The following NREP variants were observed in gnomAD, a reference collection of about 807,000 sequenced individuals.
The protein encoded by NREP is neuronal regeneration-related protein.
NREP carries 5 observed loss-of-function variants against 8.6 expected under a neutral mutation model. The observed-to-expected ratio is 0.58, with a 90% CI of 0.30 to 1.22. NREP has a LOEUF of 1.22. Ranked by LOEUF, NREP falls within the 50% of genes most tolerant of loss-of-function variation. The pLI, the probability that NREP is intolerant of heterozygous loss-of-function variation, is 0.07. For missense variants in NREP, 86 were observed against 82.5 expected (o/e 1.04, Z -0.17); for synonymous variants, 27 against 28.0 (o/e 0.96, Z 0.11).
chr5:111,753,624 C>A (rs1392500270), intron 2 of NREP, among the ~76,000 whole-genome samples: 5 of 151,736 alleles, frequency 3.3e-5, no homozygotes. Flanking sequence ...GAAATTAGAT[C>A]CTCTTTAGCG....
chr5:111,921,912 T>C lies in NREP; in HGVS notation c.135+53362A>G, dbSNP rs1045323771. ...GGTTTCCACTTTTGCTTCTTCCTCATTTTTCTCTTGCTGCCATGAGGTAAG... is the reference window on the plus strand; with the variant it reads ...GGTTTCCACTTTTGCTTCTTCCTCACTTTTCTCTTGCTGCCATGAGGTAAG... On this transcript the variant is annotated intron_variant, in intron 2 of 3. Coordinates refer to the NREP transcript ENST00000395634. Among the ~76,000 whole-genome samples, 5 of 152,250 alleles carry C rather than the reference T, an allele frequency of 3.3e-5. No individual in the cohort carries two copies. In the South Asian group the frequency reaches 1.0e-3, roughly 32 times the overall value.
intron 2 of NREP, among the ~76,000 whole-genome samples, chr5:111,945,151 A>T (rs1043223048): frequency 1.3e-5 from 2 of 152,112 alleles, no homozygotes; most frequent in Non-Finnish European, 2.9e-5. Context: ...CACATTTGTT[A>T]TCATCCTAAC....
At chr5:111,741,824 T>TACACACACACAC (rs112980817) in intron 2 of NREP, among the ~76,000 whole-genome samples, 136 of 73,482 alleles carry the variant, frequency 1.9e-3, no homozygotes, top group African/African-American at 5.2e-3. Context: ...AACACACACA[T>TACACACACACAC]ACACACACAC....
intron 2 of NREP, among the ~76,000 whole-genome samples, chr5:111,845,071 G>T (rs942286669): frequency 6.6e-6 from 1 of 152,092 alleles, no homozygotes; most frequent in African/African-American, 2.4e-5. Flanking sequence ...ACAGAGGTCT[G>T]CCTGTTGCCT....
chr5:111,747,076 G>T (rs956729148), intron 2 of NREP, among the ~76,000 whole-genome samples: 1 of 152,106 alleles, frequency 6.6e-6, no homozygotes, highest in Admixed American at 6.5e-5. Flanking sequence ...CCTTCTGGGT[G>T]GCTTTCACTA....
At chr5:111,934,821 C>T (rs1755636865) in intron 2 of NREP, among the ~76,000 whole-genome samples, 1 of 152,024 alleles carries the variant, frequency 6.6e-6, no homozygotes, top group Non-Finnish European at 1.5e-5. Context: ...GGAGAACCTC[C>T]TGGGAGAAGA....
At chr5:111,757,531 T>C (rs1750804782), upstream of NREP, 1 of 984,750 alleles carries the variant, frequency 1.0e-6, no homozygotes, top group Admixed American at 6.2e-5. Context: ...TTGCTGCCAC[T>C]GTGCAGCCGC....
intron 2 of NREP, among the ~76,000 whole-genome samples, chr5:111,935,853 G>A (rs1007530524): frequency 6.6e-6 from 1 of 152,002 alleles, no homozygotes; most frequent in African/African-American, 2.4e-5. Context: ...CCATCACAAA[G>A]GACTACAAAC....
At chr5:111,792,495 T>G (rs1429383628) in intron 2 of NREP, among the ~76,000 whole-genome samples, 2 of 152,198 alleles carry the variant, frequency 1.3e-5, no homozygotes, top group Non-Finnish European at 2.9e-5. Context: ...AAAAAATATA[T>G]GGTTTGATTT....
intron 2 of NREP, among the ~76,000 whole-genome samples, chr5:111,968,962 T>G (rs1364670538): frequency 1.3e-5 from 2 of 152,190 alleles, no homozygotes; most frequent in Non-Finnish European, 2.9e-5. Context: ...ACTTTGTTTC[T>G]TTTTAGATAG....
At chr5:111,809,742 T>C (rs11241139) in intron 2 of NREP, among the ~76,000 whole-genome samples, 78,606 of 151,990 alleles carry the variant, frequency 0.52, 20,759 homozygotes, top group South Asian at 0.68. Flanking sequence ...AATAAACCTT[T>C]TTTTAAAATA....
Position 111,871,837 on chromosome 5 carries a change from T to A in NREP, c.135+103437A>T, listed in dbSNP as rs1236292499. Among the ~76,000 whole-genome samples, 3 of 147,358 alleles carry A rather than the reference T, an allele frequency of 2.0e-5. No homozygotes were observed. The East Asian group carries it at 5.9e-4, about 29-fold the overall frequency. ...GTTTGTCATTGACCAAAATGTTATG[T>A]AGTACAGACTATATATATATATATA... On this transcript the variant is annotated intron_variant, in intron 2 of 3. Transcript: ENST00000395634.
intron 2 of NREP, among the ~76,000 whole-genome samples, chr5:111,935,073 T>C (rs1277310707): frequency 2.0e-5 from 3 of 152,096 alleles, no homozygotes; most frequent in East Asian, 3.9e-4. Flanking sequence ...GTAACTATTT[T>C]TCTAGATAAG....
At chr5:111,757,718 C>CGCCCCG (rs1332034451), upstream of NREP, 1 of 984,628 alleles carries the variant, frequency 1.0e-6, no homozygotes, top group Non-Finnish European at 1.2e-6. Flanking sequence ...CGCAGCTCTG[C>CGCCCCG]GCCCCGGCCC....
chr5:111,811,145 C>T (rs1250483762), intron 2 of NREP, among the ~76,000 whole-genome samples: 8 of 152,258 alleles, frequency 5.3e-5, no homozygotes, highest in Middle Eastern at 3.4e-3. Flanking sequence ...TCACTTCTGT[C>T]TTATGCCTAT....
chr5:111,936,840 G>A (rs1755697611), intron 2 of NREP, among the ~76,000 whole-genome samples: 1 of 152,080 alleles, frequency 6.6e-6, no homozygotes, highest in Non-Finnish European at 1.5e-5. Flanking sequence ...CCTACTTTCT[G>A]AGTGGGCAGC....
intron 2 of NREP, among the ~76,000 whole-genome samples, chr5:111,861,628 C>T (rs1278396178): frequency 6.6e-6 from 1 of 152,100 alleles, no homozygotes; most frequent in Non-Finnish European, 1.5e-5. Context: ...AATAGAGCAG[C>T]TGCTGTATTG....
At chr5:111,787,778 G>A (rs1289660827) in intron 2 of NREP, among the ~76,000 whole-genome samples, 2 of 152,182 alleles carry the variant, frequency 1.3e-5, no homozygotes, top group East Asian at 1.9e-4. Flanking sequence ...TATTGGTAAA[G>A]CTTAATTTCT....
chr5:111,760,305 CA>C (rs1246219321), upstream of NREP, among the ~76,000 whole-genome samples: 1 of 152,166 alleles, frequency 6.6e-6, no homozygotes, highest in Non-Finnish European at 1.5e-5. Context: ...GATTGAGAAC[CA>C]CTAGCTCTAA....
Sources: gnomAD v4.1 joint callset for allele counts (sites outside exome capture counted in the v4.1 genomes callset) on GRCh38, gnomAD v4.1.1 for gene constraint, MANE v1.5 for transcripts, NCBI Gene and HGNC (gene_info 2026-07-23, HGNC 2026-07-21) for gene names.